Variants in USP54 observed in about 807,000 individuals in gnomAD.
The protein encoded by USP54 is ubiquitin specific peptidase 54.
USP54 carries 87 observed loss-of-function variants against 170.5 expected under a neutral mutation model. That is an observed-to-expected ratio of 0.51 (90% confidence interval 0.43 to 0.61). USP54 has a LOEUF of 0.61. Among genes scored for constraint, USP54 ranks in the 20% least tolerant of loss-of-function variants. The probability of loss-of-function intolerance (pLI) is 0.00; values close to 1 mark genes in which losing one functional copy is unlikely to be tolerated. For missense variants in USP54, 1,786 were observed against 2,047.8 expected, an observed-to-expected ratio of 0.87 and a Z score of 2.47; for synonymous variants, 655 against 742.8, an observed-to-expected ratio of 0.88 and a Z score of 1.92.
At chr10:73,594,421 T>A (rs765145960), upstream of USP54, among the ~76,000 whole-genome samples, 59 of 152,118 alleles carry the variant, frequency 3.9e-4, no homozygotes, top group Non-Finnish European at 6.3e-4. Flanking sequence ...GGGAACTTTT[T>A]AAGAGACAGG....
chr10:73,600,060 C>T (rs1490164540), intron 1 of USP54, among the ~76,000 whole-genome samples: 6 of 152,068 alleles, frequency 3.9e-5, no homozygotes, highest in Non-Finnish European at 8.8e-5. Flanking sequence ...CACCACCACG[C>T]TCAGCTAATT....
At chr10:73,573,501 C>G (rs1014541172) in intron 3 of USP54, among the ~76,000 whole-genome samples, 1 of 151,830 alleles carries the variant, frequency 6.6e-6, no homozygotes, top group Non-Finnish European at 1.5e-5. Context: ...CAGTGGCTCA[C>G]GCCTGTAAGC....
intron 23 of USP54, chr10:73,499,500 C>T (rs2057602042): frequency 4.0e-6 from 1 of 252,020 alleles, no homozygotes; most frequent in South Asian, 7.3e-5. Context: ...TAATATATAG[C>T]AATATATGGC....
At chr10:73,622,017 T>C (rs916975268) in intron 1 of USP54, among the ~76,000 whole-genome samples, 3 of 152,062 alleles carry the variant, frequency 2.0e-5, no homozygotes, top group Non-Finnish European at 1.5e-5. Flanking sequence ...CTCTCCCCAC[T>C]TCCTCCATAC....
chr10:73,529,898 T>A lies in USP54; in HGVS notation c.1842A>T (p.Ile614=). The change falls in exon 15 of 24, where the codon ATA becomes ATT. Residue 614 remains isoleucine, a synonymous_variant. Coordinates refer to ENST00000687698, the MANE Select transcript of USP54 (RefSeq NM_001391956.1). ...AAGGTGGCTTGCTTGGTTCATCTGG[T>A]ATAAATTCTTTAGCTATCCCAATCA... ...PFSEDSAKEF[I]PDEPSKPPSY... is the part of the protein sequence containing the mutation. 6.5e-7 allele frequency: 1 copy of A among 1,529,350 alleles called. No homozygotes were observed. The highest frequency in any genetic ancestry group is 8.8e-7 in the Non-Finnish European group (1 of 1,141,158). The allele number at this position is 1,529,350 out of a possible 1,614,324, so 94.7% of individuals were successfully genotyped here.
chr10:73,571,356 C>A, intron 4 of USP54, 65 bp downstream of exon 4: 1 of 1,376,930 alleles, frequency 7.3e-7, no homozygotes, highest in South Asian at 1.2e-5. Flanking sequence ...ATTAACCAAA[C>A]CACCTTGATA....
At chr10:73,602,545 T>A (rs2132271226) in intron 1 of USP54, among the ~76,000 whole-genome samples, 1 of 142,144 alleles carries the variant, frequency 7.0e-6, no homozygotes, top group Non-Finnish European at 1.5e-5. Flanking sequence ...AGAGCAAGAC[T>A]CTGATTCAAA....
intron 1 of USP54, among the ~76,000 whole-genome samples, chr10:73,588,102 T>C (rs2077736423): frequency 6.6e-6 from 1 of 152,136 alleles, no homozygotes; most frequent in Non-Finnish European, 1.5e-5. Context: ...ATAACTACTA[T>C]AAAAATTTCA....
chr10:73,520,894 T>C lies in USP54; in HGVS notation c.2482+14A>G. The C allele has an allele frequency of 6.2e-7, 1 of 1,614,062 alleles. No individual in the cohort carries two copies. The highest frequency in any genetic ancestry group is 8.5e-7 in the Non-Finnish European group (1 of 1,180,006). ...GTCAAAAGTGCCACAGCCATAGCAG[T>C]TAGAGTTACTTACAGATAGCTTCAT... On this transcript the variant is annotated intron_variant, in intron 18 of 23. Coordinates refer to ENST00000687698, the MANE Select transcript of USP54 (RefSeq NM_001391956.1).
At chr10:73,615,687 G>A (rs1428345427) in intron 1 of USP54, among the ~76,000 whole-genome samples, 7 of 148,332 alleles carry the variant, frequency 4.7e-5, no homozygotes, top group Non-Finnish European at 8.9e-5. Context: ...CTGCGAAGCT[G>A]AGGCAGGCAG....
intron 1 of USP54, among the ~76,000 whole-genome samples, chr10:73,577,617 T>C (rs2076298440): frequency 6.6e-6 from 1 of 152,202 alleles, no homozygotes; most frequent in Non-Finnish European, 1.5e-5. Context: ...TATTAATAGT[T>C]CCATTTTACA....
chr10:73,624,177 TATATATATATATATA>T (rs2081305805), intron 1 of USP54, among the ~76,000 whole-genome samples: 2 of 111,130 alleles, frequency 1.8e-5, no homozygotes, highest in Non-Finnish European at 4.0e-5. Context: ...TATATATATA[TATATATATATATATA>T]TATGTATTTT....
chr10:73,504,072 T>C (rs2058652922), intron 22 of USP54: 1 of 152,292 alleles, frequency 6.6e-6, no homozygotes, highest in Non-Finnish European at 1.5e-5. Flanking sequence ...AAACTGAATC[T>C]GAAGGGCTGG....
At chr10:73,519,576 G>C in intron 19 of USP54, 1 of 626,454 alleles carries the variant, frequency 1.6e-6, no homozygotes, top group Non-Finnish European at 2.7e-6. Flanking sequence ...GTGGACAAAT[G>C]GTCTTATTAT....
intron 4 of USP54, among the ~76,000 whole-genome samples, chr10:73,548,667 GGAA>G (rs1590259694): frequency 6.6e-6 from 1 of 152,114 alleles, no homozygotes; most frequent in African/African-American, 2.4e-5. Flanking sequence ...CTCATAGGTG[GGAA>G]TTGAAGAATG....
At chr10:73,579,325 T>C (rs2076561958) in intron 1 of USP54, among the ~76,000 whole-genome samples, 2 of 152,226 alleles carry the variant, frequency 1.3e-5, no homozygotes, top group Non-Finnish European at 2.9e-5. Flanking sequence ...ATCATAAGAA[T>C]GTCTGCTCTT....
intron 20 of USP54, among the ~76,000 whole-genome samples, chr10:73,507,965 T>C (rs2059473760): frequency 6.6e-6 from 1 of 152,098 alleles, no homozygotes; most frequent in Admixed American, 6.6e-5. Context: ...TACTCCAGCC[T>C]GGGTGACAGA....
chr10:73,598,552 G>A (rs905603269), intron 1 of USP54, among the ~76,000 whole-genome samples: 4 of 152,134 alleles, frequency 2.6e-5, no homozygotes, highest in East Asian at 1.9e-4. Context: ...CGAGAAGGCC[G>A]ATCACAACAA....
intron 4 of USP54, among the ~76,000 whole-genome samples, chr10:73,547,552 A>G (rs1298049272): frequency 6.6e-6 from 1 of 152,242 alleles, no homozygotes; most frequent in Non-Finnish European, 1.5e-5. Flanking sequence ...CCAATGGAAC[A>G]GAACAGAGGC....
Sources: allele counts gnomAD v4.1 joint callset (sites outside exome capture counted in the v4.1 genomes callset), GRCh38; gene constraint gnomAD v4.1.1; transcripts MANE v1.5; gene names NCBI Gene and HGNC (gene_info 2026-07-23, HGNC 2026-07-21).